TRMT44: variants seen among roughly 807,000 people sequenced by gnomAD.
The protein encoded by TRMT44 is probable tRNA (uracil-O(2)-)-methyltransferase.
TRMT44 carries 78 observed loss-of-function variants against 77.3 expected under a neutral mutation model. The ratio of observed to expected loss-of-function variants is 1.01; its 90% confidence interval spans 0.84 to 1.22. TRMT44 has a LOEUF of 1.22. Ranked by LOEUF, TRMT44 falls within the 50% of genes most tolerant of loss-of-function variation. TRMT44 has a pLI of 0.00. For missense variants in TRMT44, 1,090 were observed against 964.4 expected (o/e 1.13, Z -1.73); for synonymous variants, 391 against 383.3 (o/e 1.02, Z -0.23).
At chr4:8,465,053 G>A (rs1443593724) in intron 7 of TRMT44, among the ~76,000 whole-genome samples, 1 of 152,156 alleles carries the variant, frequency 6.6e-6, no homozygotes, top group Non-Finnish European at 1.5e-5. Flanking sequence ...AGTAGACACT[G>A]GGGACTGCTG....
intron 1 of TRMT44, among the ~76,000 whole-genome samples, chr4:8,442,742 T>G (rs547986073): frequency 1.2e-3 from 176 of 152,322 alleles, no homozygotes; most frequent in Non-Finnish European, 2.1e-3. Flanking sequence ...GGAGGCTTCT[T>G]TCTGGTTCTT....
chr4:8,468,390 G>C (rs1560237509), intron 9 of TRMT44, 44 bp downstream of exon 9: 1 of 1,582,430 alleles, frequency 6.3e-7, no homozygotes. Flanking sequence ...ACGCTCCCAG[G>C]CTTGAGGGCA....
At chr4:8,481,739 T>G (rs1026881559) in intron 2 of TRMT44, among the ~76,000 whole-genome samples, 3 of 152,016 alleles carry the variant, frequency 2.0e-5, no homozygotes, top group Non-Finnish European at 4.4e-5. Context: ...CTACACAGAG[T>G]CAGGATCATC....
rs373816157 is a variant in TRMT44, at chr4:8,465,472, C to G, written c.1405C>G (p.Arg469Gly). ...GAGGCAGAGTAAGAAGACTCAGTAC[C>G]GGGAATACCTTGACTTCATTAAAGA... The part of the protein sequence containing the change: ...SRRQSKKTQY[R>G]EYLDFIKEVG... Residue 469 changes from arginine (R) to glycine (G), a missense_variant, in exon 8 of 11, where the codon CGG becomes GGG. Transcript: ENST00000389737. 9 of 1,613,994 alleles carry G rather than the reference C, an allele frequency of 5.6e-6. No homozygotes were observed. The highest frequency in any genetic ancestry group is 1.3e-5 in the African/African-American group (1 of 74,906).
downstream of TRMT44, among the ~76,000 whole-genome samples, chr4:8,495,142 G>C (rs1422096522): frequency 2.6e-5 from 4 of 152,214 alleles, no homozygotes; most frequent in East Asian, 7.7e-4. Context: ...CCCCAGGTTA[G>C]GGTAGGGAGA....
Position 8,467,997 on chromosome 4 carries a change from C to A in TRMT44, c.1578C>A (p.Ser526Arg), listed in dbSNP as rs1579074368. The change falls in exon 9 of 11, where the codon AGC becomes AGA. Residue 526 changes from serine (S) to arginine (R), a missense_variant. Coordinates refer to ENST00000389737, the MANE Select transcript of TRMT44 (RefSeq NM_152544.3). The part of the protein sequence containing the change: ...VDEKRTQYIK[S>R]RRGCPVSPPG... ...AAAAGAGGACTCAGTACATTAAGAGCAGGCGGGGCTGCCCTGTAAGCCCAC... is the reference window on the plus strand; with the variant it reads ...AAAAGAGGACTCAGTACATTAAGAGAAGGCGGGGCTGCCCTGTAAGCCCAC... The A allele has an allele frequency of 6.2e-7, 1 of 1,614,134 alleles. No individual in the cohort carries two copies. The highest frequency in any genetic ancestry group is 8.5e-7 in the Non-Finnish European group (1 of 1,180,050).
At chr4:8,486,897 G>C (rs377621884) in intron 2 of TRMT44, among the ~76,000 whole-genome samples, 1 of 152,140 alleles carries the variant, frequency 6.6e-6, no homozygotes, top group East Asian at 1.9e-4. Context: ...GCCCGGCGAG[G>C]AGCAGCCCAG....
At chr4:8,497,650 C>T (rs767117805), downstream of TRMT44, among the ~76,000 whole-genome samples, 1 of 151,992 alleles carries the variant, frequency 6.6e-6, no homozygotes, top group Non-Finnish European at 1.5e-5. Flanking sequence ...ATCTCAAAAA[C>T]AAACAAACAA....
intron 2 of TRMT44, among the ~76,000 whole-genome samples, chr4:8,490,076 G>A (rs1294913036): frequency 1.3e-5 from 2 of 152,158 alleles, no homozygotes; most frequent in Non-Finnish European, 1.5e-5. Context: ...CCCCCACAGA[G>A]GCAATTCAGC....
chr4:8,446,661 C>T lies in TRMT44; in HGVS notation c.734+71C>T. 2 of 1,157,576 alleles carry T rather than the reference C, an allele frequency of 1.7e-6. No homozygotes were observed. Among genetic ancestry groups the T allele is most frequent in the East Asian group, 5.2e-5 (2 of 38,632 alleles). The allele number at this position is 1,157,576 out of a possible 1,614,324, so 71.7% of individuals were successfully genotyped here. On this transcript the variant is annotated intron_variant, in intron 2 of 10. Coordinates refer to ENST00000389737, the MANE Select transcript of TRMT44 (RefSeq NM_152544.3). This position sits in a 1 kb window ranked among gnomAD's most constrained non-coding sequence, Gnocchi z 4.3. ...GATTTCTTTAGGTAGCCAAAGGATTCTGGGTTGCCAGGGCTTAAGGTCCTG... is the reference window on the plus strand; with the variant it reads ...GATTTCTTTAGGTAGCCAAAGGATTTTGGGTTGCCAGGGCTTAAGGTCCTG...
chr4:8,468,676 C>G (rs1370659500), intron 9 of TRMT44: 12 of 527,228 alleles, frequency 2.3e-5, no homozygotes, highest in Non-Finnish European at 3.7e-5. Flanking sequence ...TGAGTGCAAG[C>G]AAAATGCACT....
intron 9 of TRMT44, among the ~76,000 whole-genome samples, chr4:8,469,965 C>T (rs1726870365): frequency 6.6e-6 from 1 of 152,250 alleles, no homozygotes; most frequent in Non-Finnish European, 1.5e-5. Flanking sequence ...AAGGGCCCTG[C>T]CCTCAAGAGG....
intron 10 of TRMT44, 110 bp from the exon 11 acceptor site, chr4:8,475,662 C>A: frequency 1.0e-6 from 1 of 978,168 alleles, no homozygotes; most frequent in Non-Finnish European, 1.6e-6. Flanking sequence ...CCGGTTGTAT[C>A]CCTGACCCTG....
intron 1 of TRMT44, among the ~76,000 whole-genome samples, chr4:8,443,710 C>G (rs1724889620): frequency 6.6e-6 from 1 of 152,106 alleles, no homozygotes; most frequent in South Asian, 2.1e-4. Context: ...TTTCTTGGCC[C>G]TATTCTGGGT....
chr4:8,471,969 C>T (rs958159377), intron 10 of TRMT44, among the ~76,000 whole-genome samples: 2 of 150,504 alleles, frequency 1.3e-5, no homozygotes, highest in African/African-American at 4.9e-5. Flanking sequence ...GGTTTACCAG[C>T]GCCAGCGGCT....
At chr4:8,443,502 G>C (rs1198985675) in intron 1 of TRMT44, among the ~76,000 whole-genome samples, 1 of 152,220 alleles carries the variant, frequency 6.6e-6, no homozygotes, top group African/African-American at 2.4e-5. Flanking sequence ...GCTGTGGGCA[G>C]GTTATAGAGC....
downstream of TRMT44, among the ~76,000 whole-genome samples, chr4:8,498,072 G>A (rs886098983): frequency 2.6e-5 from 4 of 152,232 alleles, no homozygotes; most frequent in Admixed American, 6.5e-5. The surrounding 1 kb of genome is among the most constrained non-coding windows in gnomAD (Gnocchi z 4.3). Context: ...GGACTCAGTG[G>A]AAGACGTCAG....
chr4:8,501,680 C>A, the TRMT44 span, among the ~76,000 whole-genome samples: 1 of 152,168 alleles, frequency 6.6e-6, no homozygotes, highest in Non-Finnish European at 1.5e-5. This position sits in a 1 kb window ranked among gnomAD's most constrained non-coding sequence, Gnocchi z 4.4. Context: ...TCCCTCTTTG[C>A]CCCTTTCCCT....
At chr4:8,458,544 A>G (rs1227700634) in intron 6 of TRMT44, among the ~76,000 whole-genome samples, 3 of 148,726 alleles carry the variant, frequency 2.0e-5, no homozygotes, top group East Asian at 2.0e-4. Flanking sequence ...GTTCACTGCA[A>G]CCTCTGCCTT....
Sources: gnomAD v4.1 joint callset for allele counts (sites outside exome capture counted in the v4.1 genomes callset) on GRCh38, gnomAD v4.1.1 for gene constraint, Gnocchi (gnomAD v3.1) non-coding constraint, MANE v1.5 for transcripts, NCBI Gene and HGNC (gene_info 2026-07-23, HGNC 2026-07-21) for gene names.